WRN: variants seen among roughly 807,000 people sequenced by gnomAD.
WRN encodes bifunctional 3'-5' exonuclease/ATP-dependent helicase WRN.
In WRN, 149 loss-of-function variants were observed where a neutral mutation model predicts 180.7. The observed-to-expected ratio is 0.82, with a 90% CI of 0.72 to 0.94. The LOEUF (loss-of-function observed/expected upper bound fraction) is 0.94, where lower values mean the gene tolerates loss of function less well. WRN is among the 40% of genes least tolerant of loss of function. The pLI is 0.00. For synonymous variants in WRN, 548 were observed against 568.9 expected (o/e 0.96, Z 0.52); for missense variants, 1,661 against 1,700.1 (o/e 0.98, Z 0.40).
At chr8:31,056,792 C>T (rs1585399805) in intron 1 of WRN, among the ~76,000 whole-genome samples, 1 of 152,148 alleles carries the variant, frequency 6.6e-6, no homozygotes, top group Non-Finnish European at 1.5e-5. Context: ...TTAATAAATC[C>T]ATAATTCCAG....
rs1431122288 is a variant in WRN at position 31,041,874 on chromosome 8, A to G, written c.-77+7901A>G. On this transcript the variant is annotated intron_variant, in intron 1 of 34. Coordinates refer to ENST00000298139, the MANE Select transcript of WRN (RefSeq NM_000553.6). ...CATTCAGCTGCATAGGTACAGGCAC[A>G]GAGTAGGTCAAGAGTTCTTTTTTAT... Among the ~76,000 whole-genome samples the G allele has an allele frequency of 2.6e-5, 4 of 152,230 alleles. No homozygotes were observed. The East Asian group carries it at 5.8e-4, about 22-fold the overall frequency.
chr8:31,128,625 C>T (rs1802017810), intron 23 of WRN, among the ~76,000 whole-genome samples: 3 of 152,090 alleles, frequency 2.0e-5, no homozygotes, highest in South Asian at 2.1e-4. Flanking sequence ...TTTGGGAGGC[C>T]GAGGCGGGTG....
At chr8:31,059,996 C>T (rs1023463357) in intron 3 of WRN, among the ~76,000 whole-genome samples, 18 of 151,604 alleles carry the variant, frequency 1.2e-4, no homozygotes, top group South Asian at 6.3e-4. Flanking sequence ...GCAGAGGTTG[C>T]GGTGAGCCAA....
At chr8:31,034,823 A>G (rs1585376867) in intron 1 of WRN, among the ~76,000 whole-genome samples, 1 of 152,136 alleles carries the variant, frequency 6.6e-6, no homozygotes. Context: ...CAGAGATACC[A>G]TTGCTTAGTG....
intron 1 of WRN, among the ~76,000 whole-genome samples, chr8:31,039,827 C>G (rs940355225): frequency 3.9e-5 from 6 of 152,106 alleles, no homozygotes; most frequent in South Asian, 4.1e-4. Flanking sequence ...CCTCCCTTAT[C>G]TTAATGTAAT....
chr8:31,047,537 A>G (rs1049278950), intron 1 of WRN, among the ~76,000 whole-genome samples: 5 of 152,100 alleles, frequency 3.3e-5, no homozygotes, highest in Middle Eastern at 3.2e-3. Flanking sequence ...CGCATTGGAC[A>G]TTGGCTTTGT....
chr8:31,149,290 T>G (rs1244347259), intron 30 of WRN, among the ~76,000 whole-genome samples: 1 of 150,776 alleles, frequency 6.6e-6, no homozygotes, highest in African/African-American at 2.4e-5. Flanking sequence ...CCAGTTACTC[T>G]GGCGGCTGAG....
intron 1 of WRN, among the ~76,000 whole-genome samples, chr8:31,041,845 C>T (rs1811669585): frequency 6.6e-6 from 1 of 152,186 alleles, no homozygotes; most frequent in Non-Finnish European, 1.5e-5. Flanking sequence ...TCACCTGCTG[C>T]ATTCATTCAG....
intron 1 of WRN, among the ~76,000 whole-genome samples, chr8:31,046,690 A>C (rs144481550): frequency 6.6e-6 from 1 of 152,292 alleles, no homozygotes; most frequent in East Asian, 1.9e-4. Flanking sequence ...AGATCTTCGT[A>C]GTCTGTAGTA....
chr8:31,125,115 G>A, intron 23 of WRN, 115 bp downstream of exon 23: 2 of 1,018,710 alleles, frequency 2.0e-6, no homozygotes, highest in Non-Finnish European at 3.0e-6. Flanking sequence ...ACAAAACAAT[G>A]AATGTGTTTA....
intron 1 of WRN, among the ~76,000 whole-genome samples, chr8:31,050,767 A>G (rs949868708): frequency 1.3e-5 from 2 of 152,268 alleles, no homozygotes; most frequent in Admixed American, 6.5e-5. Context: ...TACGTGCCCA[A>G]TGTGAGAAAT....
intron 1 of WRN, among the ~76,000 whole-genome samples, chr8:31,053,019 A>G (rs1812135207): frequency 6.6e-6 from 1 of 152,232 alleles, no homozygotes; most frequent in African/African-American, 2.4e-5. Flanking sequence ...GTCAAATGAC[A>G]TAGACACAAC....
At chr8:31,088,837 CTA>C in intron 12 of WRN, 51 bp from the exon 13 acceptor site, 1 of 1,433,728 alleles carries the variant, frequency 7.0e-7, no homozygotes. Context: ...TTTTCTCCCT[CTA>C]TGTGGTGTTT....
intron 9 of WRN, among the ~76,000 whole-genome samples, chr8:31,083,230 T>A (rs4037088): frequency 7.2e-5 from 11 of 152,346 alleles, no homozygotes; most frequent in African/African-American, 1.9e-4. Flanking sequence ...AGAGAATGCT[T>A]TTTGTAAAAT....
At position 31,141,675 on chromosome 8, in the gene WRN, T is replaced by C; in HGVS notation, c.3139-6T>C. 1 of 1,614,198 alleles carries C rather than the reference T, an allele frequency of 6.2e-7. No homozygotes were observed. The highest frequency in any genetic ancestry group is 8.5e-7 in the Non-Finnish European group (1 of 1,180,034). On this transcript the variant is annotated splice_region_variant and splice_polypyrimidine_tract_variant and intron_variant, in intron 25 of 34. Transcript: ENST00000298139. ...CACATTAAAAGATCCTTTTTGCTTT[T>C]AATAGGGTAGAAATTGGCTTCATAA...
At chr8:31,170,335 G>A (rs987350160) in intron 34 of WRN, among the ~76,000 whole-genome samples, 8 of 152,022 alleles carry the variant, frequency 5.3e-5, no homozygotes, top group Non-Finnish European at 1.0e-4. Context: ...TTTCTTGACT[G>A]TATAAGAGAG....
rs147875374 is a variant in WRN at position 31,061,232 on chromosome 8, T to C, written c.209+1967T>C. 3.0e-4 allele frequency among the ~76,000 whole-genome samples: 45 copies of C among 152,256 alleles called. 1 individual carries two copies. Among genetic ancestry groups the C allele is most frequent in the Admixed American group, 5.2e-4 (8 of 15,298 alleles). On this transcript the variant is annotated intron_variant, in intron 3 of 34. Coordinates refer to ENST00000298139, the MANE Select transcript of WRN (RefSeq NM_000553.6). Reference sequence around the variant, plus strand: ...TGTTTCCTGTCTTCAAGTTCACTTATATTTTTTTCTTCTGTAGTGTCTGGT... The same window carrying C: ...TGTTTCCTGTCTTCAAGTTCACTTACATTTTTTTCTTCTGTAGTGTCTGGT...
In WRN at chr8:31,175,055, T is replaced by A. The variant is rs11987819; in HGVS notation, c.*1953T>A. Among the ~76,000 whole-genome samples the A allele has an allele frequency of 2.3e-3, 345 of 152,050 alleles. 2 individuals are homozygous for A. The highest frequency in any genetic ancestry group is 7.7e-3 in the African/African-American group (318 of 41,478). ...GTAATTAACAAATGTGAGTTTTTGATATTATATAAAGATTTTTTCTGTGTT... is the reference window on the plus strand; with the variant it reads ...GTAATTAACAAATGTGAGTTTTTGAAATTATATAAAGATTTTTTCTGTGTT... On this transcript the variant is annotated 3_prime_UTR_variant, in exon 35 of 35. Transcript: ENST00000298139.
intron 31 of WRN, among the ~76,000 whole-genome samples, chr8:31,152,884 T>C (rs1292131117): frequency 6.6e-6 from 1 of 151,982 alleles, no homozygotes; most frequent in Non-Finnish European, 1.5e-5. Flanking sequence ...ACAAAAACAA[T>C]TTCTTAAAAT....
Sources: allele counts gnomAD v4.1 joint callset (sites outside exome capture counted in the v4.1 genomes callset), GRCh38; gene constraint gnomAD v4.1.1; transcripts MANE v1.5; gene names NCBI Gene and HGNC (gene_info 2026-07-23, HGNC 2026-07-21).